Variants in MACROD2 observed in about 807,000 individuals in gnomAD.
MACROD2 encodes ADP-ribose glycohydrolase MACROD2.
A neutral mutation model predicts 70.4 loss-of-function variants in MACROD2; 36 were observed. That is an observed-to-expected ratio of 0.51 (90% CI 0.39 to 0.68). The LOEUF is 0.68. MACROD2 is among the 30% of genes least tolerant of loss of function. The probability of loss-of-function intolerance (pLI) is 0.00; values close to 1 mark genes in which losing one functional copy is unlikely to be tolerated. For synonymous variants in MACROD2, 172 were observed against 178.8 expected (o/e 0.96, Z 0.30); for missense variants, 496 against 538.4 (o/e 0.92, Z 0.78).
intron 8 of MACROD2, among the ~76,000 whole-genome samples, chr20:15,668,012 C>T (rs2049925086): frequency 6.6e-6 from 1 of 151,212 alleles, no homozygotes; most frequent in African/African-American, 2.4e-5. Context: ...GTAATCTCAG[C>T]AGTTTGGGAG....
chr20:14,198,470 T>C (rs1177596363), intron 3 of MACROD2, among the ~76,000 whole-genome samples: 1 of 152,206 alleles, frequency 6.6e-6, no homozygotes, highest in East Asian at 1.9e-4. Flanking sequence ...CTGTGTTTCT[T>C]ATTATTCGGT....
intron 3 of MACROD2, among the ~76,000 whole-genome samples, chr20:14,370,938 G>C (rs1276342927): frequency 6.6e-6 from 1 of 152,110 alleles, no homozygotes; most frequent in Admixed American, 6.6e-5. Flanking sequence ...ATTATTCATA[G>C]CAGTTAATTC....
chr20:14,804,626 G>A (rs1374620795), intron 5 of MACROD2, among the ~76,000 whole-genome samples: 1 of 151,926 alleles, frequency 6.6e-6, no homozygotes, highest in African/African-American at 2.4e-5. Context: ...ATGTGAGAGG[G>A]CTGTACTGAC....
intron 8 of MACROD2, among the ~76,000 whole-genome samples, chr20:15,754,549 G>T (rs998242573): frequency 6.6e-6 from 1 of 151,832 alleles, no homozygotes; most frequent in Non-Finnish European, 1.5e-5. Context: ...GGCAGAGGTT[G>T]CAGTGATCTG....
At chr20:15,407,086 A>G (rs6043261) in intron 6 of MACROD2, among the ~76,000 whole-genome samples, 27,776 of 152,218 alleles carry the variant, frequency 0.18, 3,071 homozygotes, top group African/African-American at 0.32. Context: ...CTCCCCTGCC[A>G]TGCGCAGCAC....
At chr20:14,736,831 A>C (rs2071671101) in intron 5 of MACROD2, among the ~76,000 whole-genome samples, 1 of 152,228 alleles carries the variant, frequency 6.6e-6, no homozygotes, top group Non-Finnish European at 1.5e-5. Context: ...GCTCTTACCC[A>C]GTACATTGTA....
intron 6 of MACROD2, among the ~76,000 whole-genome samples, chr20:15,426,295 A>G (rs1371305982): frequency 6.6e-6 from 1 of 151,738 alleles, no homozygotes; most frequent in African/African-American, 2.4e-5. Flanking sequence ...TGGTGGCCCA[A>G]CCTATAATTT....
chr20:15,084,889 C>T (rs1002668188), intron 5 of MACROD2, among the ~76,000 whole-genome samples: 1 of 152,072 alleles, frequency 6.6e-6, no homozygotes, highest in African/African-American at 2.4e-5. Context: ...CAAAATCCTG[C>T]TGGCTTTGGA....
intron 4 of MACROD2, among the ~76,000 whole-genome samples, chr20:14,644,221 G>C (rs1233315256): frequency 6.6e-6 from 1 of 152,062 alleles, no homozygotes; most frequent in Admixed American, 6.6e-5. Context: ...ACAAGGCAAG[G>C]GCTTTCTTCT....
In MACROD2 at chr20:15,076,925, A is replaced by G. The variant is rs571889721; in HGVS notation, c.419-153015A>G. Among the ~76,000 whole-genome samples, 7 of 152,224 alleles carry G rather than the reference A, an allele frequency of 4.6e-5. No individual in the cohort carries two copies. In the East Asian group the frequency reaches 1.2e-3, roughly 25 times the overall value. ...GCAATATCTGGTAGTTCAGAATGAA[A>G]TTTTCCTTATCAAGTCCATAAAATT... On this transcript the variant is annotated intron_variant, in intron 5 of 17. Coordinates refer to ENST00000684519, the MANE Select transcript of MACROD2 (RefSeq NM_001351661.2).
At chr20:15,617,182 C>T (rs552154597) in intron 8 of MACROD2, among the ~76,000 whole-genome samples, 63 of 152,090 alleles carry the variant, frequency 4.1e-4, no homozygotes, top group Non-Finnish European at 8.4e-4. Flanking sequence ...CCATGTTTAT[C>T]TATTGTTTCC....
At chr20:14,682,168 T>G (rs2070940299) in intron 4 of MACROD2, among the ~76,000 whole-genome samples, 1 of 152,138 alleles carries the variant, frequency 6.6e-6, no homozygotes, top group Admixed American at 6.6e-5. Context: ...GCAGGTAATA[T>G]TTGACAGCAT....
At chr20:14,059,958 G>A (rs2148654906) in intron 2 of MACROD2, among the ~76,000 whole-genome samples, 1 of 152,284 alleles carries the variant, frequency 6.6e-6, no homozygotes. Context: ...CTAGGGAACA[G>A]CATTTAGGGT....
chr20:15,995,649 C>CTTTTTTTTTTTTTTTTTTTTTTTT lies in MACROD2; in HGVS notation c.1153+8511_1153+8512insTTTTTTTTTTTTTTTTTTTTTTTT, dbSNP rs71192310. Among the ~76,000 whole-genome samples, 192 of 85,468 alleles carry CTTTTTTTTTTTTTTTTTTTTTTTT rather than the reference C, an allele frequency of 2.2e-3. 9 individuals are homozygous for CTTTTTTTTTTTTTTTTTTTTTTTT. Among genetic ancestry groups the CTTTTTTTTTTTTTTTTTTTTTTTT allele is most frequent in the Middle Eastern group, 9.8e-3 (1 of 102 alleles). The allele number at this position is 85,468 out of a possible 152,430, so 56.1% of individuals were successfully genotyped here. A position where few individuals can be genotyped will look rare whatever the true frequency, so the allele number is the denominator to read the frequency against. On this transcript the variant is annotated intron_variant, in intron 15 of 17. Coordinates refer to ENST00000684519, the MANE Select transcript of MACROD2 (RefSeq NM_001351661.2). Reference sequence around the variant, plus strand: ...ACAGGCATGAGCCACTATGCCCGGCCTTTTTTTTTTTTTTTTTTTTAACTT... The same window carrying CTTTTTTTTTTTTTTTTTTTTTTTT: ...ACAGGCATGAGCCACTATGCCCGGCCTTTTTTTTTTTTTTTTTTTTTTTTTTTTTTTTTTTTTTTTTTTTAACTT...
chr20:15,106,119 T>C (rs2075908877), intron 5 of MACROD2, among the ~76,000 whole-genome samples: 1 of 152,224 alleles, frequency 6.6e-6, no homozygotes, highest in African/African-American at 2.4e-5. Flanking sequence ...AATATGCTTT[T>C]TAAAGTGCCA....
chr20:14,275,686 G>C (rs1466641617), intron 3 of MACROD2, among the ~76,000 whole-genome samples: 1 of 152,150 alleles, frequency 6.6e-6, no homozygotes, highest in Non-Finnish European at 1.5e-5. Context: ...CCATCAGAGT[G>C]AACAGACAGC....
intron 3 of MACROD2, among the ~76,000 whole-genome samples, chr20:14,217,895 C>T (rs948799801): frequency 3.9e-5 from 6 of 152,024 alleles, no homozygotes; most frequent in Non-Finnish European, 5.9e-5. Context: ...TGGATTTTCT[C>T]TCTTCTTTTC....
intron 15 of MACROD2, among the ~76,000 whole-genome samples, chr20:15,992,574 T>C (rs529752716): frequency 6.6e-6 from 1 of 152,350 alleles, no homozygotes; most frequent in East Asian, 1.9e-4. Flanking sequence ...TGTAATTAAC[T>C]TGTGCTTGCC....
At chr20:16,012,242 C>T (rs2066873284) in intron 15 of MACROD2, among the ~76,000 whole-genome samples, 1 of 152,216 alleles carries the variant, frequency 6.6e-6, no homozygotes, top group Non-Finnish European at 1.5e-5. Context: ...ATCTACAAAC[C>T]TCCTTCCTCT....
Sources: allele counts gnomAD v4.1 joint callset (sites outside exome capture counted in the v4.1 genomes callset), GRCh38; gene constraint gnomAD v4.1.1; transcripts MANE v1.5; gene names NCBI Gene and HGNC (gene_info 2026-07-23, HGNC 2026-07-21).